SBF1: variants seen among roughly 807,000 people sequenced by gnomAD.
The protein encoded by SBF1 is SET binding factor 1.
SBF1 carries 65 observed loss-of-function variants against 215.8 expected under a neutral mutation model. The ratio of observed to expected loss-of-function variants is 0.30; its 90% CI spans 0.25 to 0.37. SBF1 has a LOEUF of 0.37. SBF1 is among the 10% of genes least tolerant of loss of function. The probability of loss-of-function intolerance (pLI) is 1.00; values close to 1 mark genes in which losing one functional copy is unlikely to be tolerated. For missense variants in SBF1, 2,634 were observed against 2,667.8 expected (o/e 0.99, Z 0.28); for synonymous variants, 1,410 against 1,122.8 (o/e 1.26, Z -5.11).
rs758142286 is a variant in SBF1 at position 50,456,478 on chromosome 22, C to A, written c.4086+14G>T. ...GCCCCCACCCTCACCCCCCACCCCC[C>A]GCACCCCAGTCACCTTGAGCTGGGC... On this transcript the variant is annotated intron_variant, in intron 30 of 40. Transcript: ENST00000380817. 1.6e-5 allele frequency: 25 copies of A among 1,520,080 alleles called. No homozygotes were observed. The highest frequency in any genetic ancestry group is 2.2e-5 in the Non-Finnish European group (25 of 1,129,978). 94.2% of individuals were successfully genotyped at this position (1,520,080 alleles called of 1,614,324 possible).
In SBF1 at chr22:50,461,139, A is replaced by G; in HGVS notation, c.2967+20T>C. 6.4e-7 allele frequency: 1 copy of G among 1,574,774 alleles called. No individual in the cohort carries two copies. Among genetic ancestry groups the G allele is most frequent in the Non-Finnish European group, 8.6e-7 (1 of 1,158,320 alleles). On this transcript the variant is annotated intron_variant, in intron 23 of 40. Coordinates refer to ENST00000380817, the MANE Select transcript of SBF1 (RefSeq NM_002972.4). Reference sequence around the variant, plus strand: ...GACCAGGGCGGGGGATGAGAGCCCCACCCGCGCACCGCGCCCCACCTGGAA... The same window carrying G: ...GACCAGGGCGGGGGATGAGAGCCCCGCCCGCGCACCGCGCCCCACCTGGAA...
At chr22:50,452,255 G>T (rs1310416910) in intron 36 of SBF1, among the ~76,000 whole-genome samples, 1 of 151,998 alleles carries the variant, frequency 6.6e-6, no homozygotes, top group Admixed American at 6.5e-5. Context: ...AAGCTGAGGG[G>T]ATTTGTGACT....
Position 50,465,944 on chromosome 22 carries a change from C to T in SBF1, c.1011+17G>A. 6.2e-7 allele frequency: 1 copy of T among 1,611,590 alleles called. No individual in the cohort carries two copies. The highest frequency in any genetic ancestry group is 1.1e-5 in the South Asian group (1 of 91,036). On this transcript the variant is annotated intron_variant, in intron 9 of 40. Transcript: ENST00000380817. ...CAAAGGCCCCCAAGGCTCCCGCTTG[C>T]CCATGGTGCCCCTCACCATGCTCAG...
intron 1 of SBF1, among the ~76,000 whole-genome samples, chr22:50,473,081 C>A (rs1337203423): frequency 6.6e-6 from 1 of 152,198 alleles, no homozygotes; most frequent in Non-Finnish European, 1.5e-5. Context: ...CACGTCACAG[C>A]CAGCTTGTTG....
chr22:50,465,264 C>T lies in SBF1; in HGVS notation c.1154G>A (p.Cys385Tyr). The T allele has an allele frequency of 1.2e-6, 2 of 1,611,398 alleles. No individual in the cohort carries two copies. The highest frequency in any genetic ancestry group is 1.7e-6 in the Non-Finnish European group (2 of 1,179,248). The change falls in exon 11 of 41, where the codon TGC becomes TAC. Residue 385 changes from cysteine (C) to tyrosine (Y), a missense_variant. Coordinates refer to ENST00000380817, the MANE Select transcript of SBF1 (RefSeq NM_002972.4). ...CGGGTGGATGCGCACGACGTGCAGG[C>T]ACCAGCGATAGCCCTGCAGCAGCTG... The part of the protein sequence containing the change: ...FAQLLQGYRW[C>Y]LHVVRIHPEP...
At chr22:50,458,476 T>C (rs187185023) in intron 28 of SBF1, among the ~76,000 whole-genome samples, 5 of 151,944 alleles carry the variant, frequency 3.3e-5, no homozygotes, top group East Asian at 3.9e-4. Flanking sequence ...AGCACAGGCA[T>C]GGGGGGTGCA....
rs563083292 is a variant in SBF1, at chr22:50,459,809, C to A, written c.3491+143G>T. The A allele has an allele frequency of 1.9e-5, 25 of 1,329,036 alleles. No homozygotes were observed. In the South Asian group the frequency reaches 2.3e-4, roughly 12 times the overall value. The allele number at this position is 1,329,036 out of a possible 1,614,324, so 82.3% of individuals were successfully genotyped here. ...GCCACGGGGCCCCCCAGCCACCCCCCAGCCCTGTGGCCCGTCCCTCTGCCC... is the reference window on the plus strand; with the variant it reads ...GCCACGGGGCCCCCCAGCCACCCCCAAGCCCTGTGGCCCGTCCCTCTGCCC... On this transcript the variant is annotated intron_variant, in intron 26 of 40. Transcript: ENST00000380817.
At position 50,466,234 on chromosome 22, in the gene SBF1, C is replaced by T. The variant is rs751619207; in HGVS notation, c.813G>A (p.Pro271=). ...TGCTGAGGACCTCCAGCAGCTGAGC[C>T]GGCAGGATGGGCACATAGGTGAAGC... ...RYSFTYVPIL[P]AQLLEVLSTP... is the part of the protein sequence containing the mutation. Residue 271 remains proline (P), a synonymous_variant, in exon 8 of 41, where the codon CCG becomes CCA. Coordinates refer to ENST00000380817, the MANE Select transcript of SBF1 (RefSeq NM_002972.4). The T allele has an allele frequency of 3.1e-6, 5 of 1,613,426 alleles. No individual in the cohort carries two copies. The highest frequency in any genetic ancestry group is 2.2e-5 in the East Asian group (1 of 44,874).
chr22:50,456,843 G>A (rs768179918), intron 29 of SBF1, among the ~76,000 whole-genome samples, 170 bp from the exon 30 acceptor site: 29 of 152,160 alleles, frequency 1.9e-4, no homozygotes, highest in Non-Finnish European at 4.0e-4. Flanking sequence ...ATTCTGAGAC[G>A]TGGGGTGGCA....
At position 50,467,343 on chromosome 22, in the gene SBF1, A is replaced by T; in HGVS notation, c.544T>A (p.Ser182Thr). The T allele has an allele frequency of 6.2e-7, 1 of 1,613,522 alleles. No homozygotes were observed. Among genetic ancestry groups the T allele is most frequent in the Non-Finnish European group, 8.5e-7 (1 of 1,179,510 alleles). ...CAGCTGCCTCCAAAACTCACCTGCG[A>T]GCCCCCAGCCAGGGGCACAGTGCAC... Reference protein sequence around the residue: ...LTCTVPLAGGSQRTISLGAGD... With the variant: ...LTCTVPLAGGTQRTISLGAGD... Residue 182 changes from serine to threonine, a missense_variant, in exon 5 of 41, where the codon TCG becomes ACG. Physicochemically the swap from Ser to Thr is moderately conservative, Grantham distance 58. Transcript: ENST00000380817.
intron 36 of SBF1, among the ~76,000 whole-genome samples, chr22:50,449,488 A>G (rs546171642): frequency 1.3e-5 from 2 of 152,170 alleles, no homozygotes; most frequent in Non-Finnish European, 2.9e-5. Flanking sequence ...AGTGGCAGGC[A>G]CCAGTAATCC....
intron 28 of SBF1, among the ~76,000 whole-genome samples, chr22:50,458,475 A>C (rs964505566): frequency 2.0e-5 from 3 of 152,080 alleles, no homozygotes; most frequent in African/African-American, 7.2e-5. Flanking sequence ...AAGCACAGGC[A>C]TGGGGGGTGC....
At chr22:50,462,799 G>A in intron 17 of SBF1, 71 bp downstream of exon 17, 2 of 1,605,678 alleles carry the variant, frequency 1.2e-6, no homozygotes, top group African/African-American at 1.3e-5. Context: ...CAGGAAGGGG[G>A]GCTGGGAAGG....
In SBF1 at chr22:50,448,616, G is replaced by A; in HGVS notation, c.5078C>T (p.Pro1693Leu). The A allele has an allele frequency of 6.2e-7, 1 of 1,611,794 alleles. No homozygotes were observed. The highest frequency in any genetic ancestry group is 8.5e-7 in the Non-Finnish European group (1 of 1,180,018). ...CCAGGTGTCCTTCCAGCGCTCAGCG[G>A]GTTGGCCCAACTCTGTCTCCAGCCT... ...LQRLETELGQ[P>L]AERWKDTWDR... The change falls in exon 37 of 41, where the codon CCC becomes CTC. Residue 1693 changes from proline (P) to leucine (L), a missense_variant. Pro to Leu is a moderately conservative substitution (Grantham distance 98, BLOSUM62 -3). Transcript: ENST00000380817.
Position 50,464,338 on chromosome 22 carries a change from C to T in SBF1, c.1740G>A (p.Glu580=), listed in dbSNP as rs1458938046. ...ISYVFEGKML[E]AKKLLPAVLR... ...CCTGCACAGCCCTCACCTTCTTGGC[C>T]TCAAGCATTTTCCCCTCAAACACGT... The change falls in exon 15 of 41, where the codon GAG becomes GAA. Residue 580 remains glutamate, a synonymous_variant. Coordinates refer to ENST00000380817, the MANE Select transcript of SBF1 (RefSeq NM_002972.4). 1.2e-6 allele frequency: 2 copies of T among 1,613,536 alleles called. No homozygotes were observed. The highest frequency in any genetic ancestry group is 2.2e-5 in the East Asian group (1 of 44,892).
Position 50,460,599 on chromosome 22 carries a change from G to A in SBF1, c.3081C>T (p.Thr1027=), listed in dbSNP as rs776163511. The A allele has an allele frequency of 6.2e-7, 1 of 1,614,142 alleles. No homozygotes were observed. The highest frequency in any genetic ancestry group is 8.5e-7 in the Non-Finnish European group (1 of 1,180,038). Reference sequence around the variant, plus strand: ...GGCCAGGTGTGTGGGCAGAGCCCAAGGTGAACGCAAAGGTGGCCCTGATGT... The same window carrying A: ...GGCCAGGTGTGTGGGCAGAGCCCAAAGTGAACGCAAAGGTGGCCCTGATGT... The part of the protein sequence containing the change: ...PPDIRATFAF[T]LGSAHTPGRP... The change falls in exon 24 of 41, where the codon ACC becomes ACT. Residue 1027 remains threonine, a synonymous_variant. Transcript: ENST00000380817.
At chr22:50,453,868 C>A (rs1365988065) in intron 36 of SBF1, among the ~76,000 whole-genome samples, 2 of 152,200 alleles carry the variant, frequency 1.3e-5, no homozygotes, top group Non-Finnish European at 2.9e-5. Context: ...TGGCCTAGGT[C>A]CAAGGTCCAC....
intron 13 of SBF1, 23 bp from the exon 14 acceptor site, chr22:50,464,761 G>A: frequency 6.2e-7 from 1 of 1,609,524 alleles, no homozygotes; most frequent in Non-Finnish European, 8.5e-7. Flanking sequence ...GGCAGGTGTG[G>A]GGCAGGGGCC....
intron 23 of SBF1, 118 bp from the exon 24 acceptor site, chr22:50,460,830 A>C (rs1411943004): frequency 1.7e-6 from 2 of 1,146,896 alleles, no homozygotes; most frequent in African/African-American, 3.1e-5. Context: ...AGCAGGCCCC[A>C]GGCAAAGGCC....
Sources: gnomAD v4.1 joint callset for allele counts (sites outside exome capture counted in the v4.1 genomes callset) on GRCh38, gnomAD v4.1.1 for gene constraint, MANE v1.5 for transcripts, NCBI Gene and HGNC (gene_info 2026-07-23, HGNC 2026-07-21) for gene names.